Variants in CA10 observed in about 807,000 individuals in gnomAD.
The protein encoded by CA10 is carbonic anhydrase 10 (inactive).
CA10 carries 14 observed loss-of-function variants against 44.2 expected under a neutral mutation model. That is an observed-to-expected ratio of 0.32 (90% CI 0.21 to 0.50). CA10 has a LOEUF of 0.50. Among genes scored for constraint, CA10 ranks in the 20% least tolerant of loss-of-function variants. The probability of loss-of-function intolerance (pLI) is 0.99; values close to 1 mark genes in which losing one functional copy is unlikely to be tolerated. For synonymous variants in CA10, 159 were observed against 141.6 expected (o/e 1.12, Z -0.87); for missense variants, 350 against 409.7 (o/e 0.85, Z 1.26).
At chr17:51,916,042 A>G (rs1277483694) in intron 3 of CA10, among the ~76,000 whole-genome samples, 1 of 152,040 alleles carries the variant, frequency 6.6e-6, no homozygotes, top group African/African-American at 2.4e-5. Context: ...TAAAGATCAC[A>G]TACTTGAAGA....
chr17:51,879,870 C>G (rs1307507950), intron 3 of CA10, among the ~76,000 whole-genome samples: 1 of 152,226 alleles, frequency 6.6e-6, no homozygotes. Context: ...ACCAATGGCA[C>G]TCCTTGAGTG....
intron 6 of CA10, among the ~76,000 whole-genome samples, chr17:51,648,044 C>G (rs943110049): frequency 6.6e-6 from 1 of 152,198 alleles, no homozygotes; most frequent in Non-Finnish European, 1.5e-5. Context: ...CTTTACATCC[C>G]TGGAGCTTCG....
chr17:51,863,330 T>C (rs1979399429), intron 3 of CA10, among the ~76,000 whole-genome samples: 1 of 152,212 alleles, frequency 6.6e-6, no homozygotes, highest in Non-Finnish European at 1.5e-5. Context: ...GTAGTTATGC[T>C]TAAATCCAGC....
At position 51,830,089 on chromosome 17, in the gene CA10, T is replaced by C. The variant is rs545060020; in HGVS notation, c.280-82271A>G. On this transcript the variant is annotated intron_variant, in intron 3 of 8. Coordinates refer to ENST00000451037, the MANE Select transcript of CA10 (RefSeq NM_020178.5). ...GCGCATGCCTGTCATCCCAGCTACT[T>C]GGGAGGCTGATGCAGGAGAATCGCT... 3.4e-5 allele frequency among the ~76,000 whole-genome samples: 5 copies of C among 147,634 alleles called. No homozygotes were observed. The East Asian group carries it at 6.0e-4, about 18-fold the overall frequency.
chr17:52,038,002 A>G (rs1336220712), intron 2 of CA10, among the ~76,000 whole-genome samples: 2 of 151,892 alleles, frequency 1.3e-5, no homozygotes, highest in Non-Finnish European at 2.9e-5. Flanking sequence ...AAGGTGAAAA[A>G]CTACTCCCTC....
intron 4 of CA10, among the ~76,000 whole-genome samples, chr17:51,659,233 C>T (rs1271328027): frequency 2.0e-5 from 3 of 152,250 alleles, no homozygotes; most frequent in Admixed American, 1.3e-4. Context: ...CTTCCTTCAG[C>T]TGGGGCATCC....
chr17:51,894,200 T>A (rs1281622011), intron 3 of CA10, among the ~76,000 whole-genome samples: 1 of 152,038 alleles, frequency 6.6e-6, no homozygotes, highest in Non-Finnish European at 1.5e-5. Context: ...TCAGCAAAAT[T>A]CTGGGGGACT....
At chr17:51,771,122 CAAAAAAA>C (rs71357854) in intron 3 of CA10, among the ~76,000 whole-genome samples, 1 of 37,664 alleles carries the variant, frequency 2.7e-5, no homozygotes, top group Non-Finnish European at 4.3e-5. Context: ...GACTCCGTCT[CAAAAAAA>C]AAAAAAAAAA....
At chr17:52,069,683 G>T (rs1035599213) in intron 2 of CA10, among the ~76,000 whole-genome samples, 1 of 152,112 alleles carries the variant, frequency 6.6e-6, no homozygotes, top group Non-Finnish European at 1.5e-5. Flanking sequence ...CACAAGGTAG[G>T]TACTCCATAA....
intron 3 of CA10, among the ~76,000 whole-genome samples, chr17:51,823,812 C>T (rs1198453142): frequency 1.3e-5 from 2 of 152,160 alleles, no homozygotes; most frequent in Non-Finnish European, 2.9e-5. Flanking sequence ...CTTTTTCTAG[C>T]TAGAGCAACA....
At chr17:51,876,022 T>C (rs1482291642) in intron 3 of CA10, among the ~76,000 whole-genome samples, 1 of 152,144 alleles carries the variant, frequency 6.6e-6, no homozygotes, top group African/African-American at 2.4e-5. Flanking sequence ...TAGTATCCCA[T>C]TGCATGGGGA....
At chr17:52,116,398 C>G (rs1217672919) in intron 1 of CA10, among the ~76,000 whole-genome samples, 4 of 151,956 alleles carry the variant, frequency 2.6e-5, no homozygotes, top group Admixed American at 1.3e-4. Context: ...CATTTTTGCC[C>G]CAAACTCCAT....
intron 3 of CA10, among the ~76,000 whole-genome samples, chr17:51,823,327 G>A (rs1907888492): frequency 6.6e-6 from 1 of 152,190 alleles, no homozygotes; most frequent in South Asian, 2.1e-4. Context: ...TCAAGTCACT[G>A]CAGTTCAGAG....
At chr17:52,005,287 AC>A (rs1985560261) in intron 2 of CA10, among the ~76,000 whole-genome samples, 1 of 151,988 alleles carries the variant, frequency 6.6e-6, no homozygotes, top group African/African-American at 2.4e-5. Flanking sequence ...TTATGCTTCC[AC>A]ATTACTGTTG....
At chr17:52,120,215 C>T (rs35392733) in intron 1 of CA10, among the ~76,000 whole-genome samples, 4,760 of 152,232 alleles carry the variant, frequency 0.031, 99 homozygotes, top group Middle Eastern at 0.072. Context: ...TACATGTTTT[C>T]CAATAACCCA....
intron 3 of CA10, among the ~76,000 whole-genome samples, chr17:51,793,358 G>T (rs779572118): frequency 3.3e-5 from 5 of 152,110 alleles, no homozygotes; most frequent in Non-Finnish European, 7.4e-5. Context: ...ACATGATGGG[G>T]GTGGGTTTAG....
At chr17:52,097,683 A>G (rs1443251700) in intron 1 of CA10, among the ~76,000 whole-genome samples, 1 of 152,162 alleles carries the variant, frequency 6.6e-6, no homozygotes, top group African/African-American at 2.4e-5. Context: ...CATTTCAGCA[A>G]ACACAAATTA....
At chr17:52,089,282 C>T (rs1252649048) in intron 1 of CA10, among the ~76,000 whole-genome samples, 3 of 152,108 alleles carry the variant, frequency 2.0e-5, no homozygotes, top group Non-Finnish European at 4.4e-5. Context: ...AGATGCTGGT[C>T]TTGGTGAGTG....
At chr17:51,818,025 T>A (rs556948460) in intron 3 of CA10, among the ~76,000 whole-genome samples, 33 of 152,188 alleles carry the variant, frequency 2.2e-4, no homozygotes, top group Non-Finnish European at 4.1e-4. Flanking sequence ...CTGACTGCCT[T>A]TGTGTAGTGT....
Sources: allele counts gnomAD v4.1 joint callset (sites outside exome capture counted in the v4.1 genomes callset), GRCh38; gene constraint gnomAD v4.1.1; transcripts MANE v1.5; gene names NCBI Gene and HGNC (gene_info 2026-07-23, HGNC 2026-07-21).